Variants in ABCC12 observed in about 807,000 individuals in gnomAD.
The protein encoded by ABCC12 is ATP binding cassette subfamily C member 12.
A neutral mutation model predicts 151.1 loss-of-function variants in ABCC12; 142 were observed. That is an observed-to-expected ratio of 0.94 (90% confidence interval 0.82 to 1.08). The LOEUF (loss-of-function observed/expected upper bound fraction) is 1.08, where lower values mean the gene tolerates loss of function less well. Ranked by LOEUF, ABCC12 falls within the 50% of genes least tolerant of loss-of-function variation. The pLI, the probability that ABCC12 is intolerant of heterozygous loss-of-function variation, is 0.00. For missense variants in ABCC12, 1,638 were observed against 1,691.1 expected, an observed-to-expected ratio of 0.97 and a Z score of 0.55; for synonymous variants, 645 against 646.4, an observed-to-expected ratio of 1.00 and a Z score of 0.03.
chr16:48,151,564 T>C (rs1596634032), intron 2 of ABCC12, among the ~76,000 whole-genome samples: 1 of 152,330 alleles, frequency 6.6e-6, no homozygotes, highest in East Asian at 1.9e-4. Context: ...CATGAGATGT[T>C]ATTAATGTTA....
At position 48,101,496 on chromosome 16, in the gene ABCC12, G is replaced by A. The variant is rs556025186; in HGVS notation, c.2901-487C>T. On this transcript the variant is annotated intron_variant, in intron 22 of 30. Coordinates refer to ENST00000311303, the MANE Select transcript of ABCC12 (RefSeq NM_001393797.1). ...GCTGACTTTAAAACCAAACACCCAC[G>A]GGATGCAGCTCCCCTTTATGTGGAA... is the stretch of plus-strand genomic sequence containing the variant. Among the ~76,000 whole-genome samples, 34 of 152,068 alleles carry A rather than the reference G, an allele frequency of 2.2e-4. No individual in the cohort carries two copies. The South Asian group carries it at 7.1e-3, about 32-fold the overall frequency.
chr16:48,088,997 G>A (rs1428874742), intron 25 of ABCC12, among the ~76,000 whole-genome samples: 1 of 152,190 alleles, frequency 6.6e-6, no homozygotes, highest in African/African-American at 2.4e-5. Context: ...AAGGGGGGTA[G>A]GAGAGTAAAA....
At chr16:48,092,266 G>T (rs146158331) in intron 24 of ABCC12, among the ~76,000 whole-genome samples, 59 of 152,370 alleles carry the variant, frequency 3.9e-4, no homozygotes, top group African/African-American at 1.3e-3. Flanking sequence ...ACCAGGAGGG[G>T]ATGGAGGAGT....
At position 48,117,452 on chromosome 16, in the gene ABCC12, T is replaced by C. The variant is rs16945819; in HGVS notation, c.1713-119A>G. 15,105 of 1,023,430 alleles carry C rather than the reference T, an allele frequency of 0.015. 1,483 individuals carry two copies. In the African/African-American group the frequency reaches 0.21, roughly 14 times the overall value. 63.4% of individuals were successfully genotyped at this position (1,023,430 alleles called of 1,614,324 possible). On this transcript the variant is annotated intron_variant, in intron 13 of 30. Coordinates refer to ENST00000311303, the MANE Select transcript of ABCC12 (RefSeq NM_001393797.1). ...GCAAGGCCAGGGGTGGCGGCTGCTA[T>C]GTCCAAGGCTCCCTGGCCAGTCGCT...
intron 29 of ABCC12, 38 bp downstream of exon 29, chr16:48,085,555 T>C (rs769705245): frequency 5.7e-6 from 9 of 1,587,306 alleles, no homozygotes; most frequent in Non-Finnish European, 7.8e-6. Flanking sequence ...GCGGGAAATA[T>C]CCAAAATTTG....
intron 1 of ABCC12, among the ~76,000 whole-genome samples, chr16:48,154,703 CTGTTA>C (rs1965161031): frequency 6.6e-6 from 1 of 152,326 alleles, no homozygotes; most frequent in East Asian, 1.9e-4. Flanking sequence ...CCACTTTGCT[CTGTTA>C]TATTTCATTT....
intron 13 of ABCC12, among the ~76,000 whole-genome samples, chr16:48,117,695 T>A (rs989466774): frequency 1.3e-5 from 2 of 152,008 alleles, no homozygotes; most frequent in African/African-American, 4.8e-5. Context: ...GGGGCTGCAG[T>A]TACTGGGGAT....
At chr16:48,108,567 T>C (rs755281487) in intron 18 of ABCC12, 38 bp from the exon 19 acceptor site, 3 of 1,581,166 alleles carry the variant, frequency 1.9e-6, no homozygotes, top group East Asian at 2.2e-5. Context: ...CTCTCACCAC[T>C]GGGGTGGGGG....
intron 24 of ABCC12, among the ~76,000 whole-genome samples, chr16:48,092,309 G>A (rs1260863657): frequency 6.6e-6 from 1 of 152,240 alleles, no homozygotes; most frequent in African/African-American, 2.4e-5. Context: ...CATACCAGGT[G>A]TGTCTGTGAG....
chr16:48,096,893 G>A lies in ABCC12; in HGVS notation c.3048C>T (p.Leu1016=), dbSNP rs2150594215. The change falls in exon 24 of 31, where the codon CTC becomes CTT. Residue 1016 remains leucine, a synonymous_variant. Transcript: ENST00000311303. ...ACCACCTGAGAGCACAGTTAAAGTA[G>A]AGGAGGTGACTGGAGTTTTCGTCGT... The part of the protein sequence containing the change: ...KKESCITYHL[L]YFNCALRWFA... 1 of 1,614,154 alleles carries A rather than the reference G, an allele frequency of 6.2e-7. No individual in the cohort carries two copies. Among genetic ancestry groups the A allele is most frequent in the Non-Finnish European group, 8.5e-7 (1 of 1,180,036 alleles).
At chr16:48,090,887 T>C (rs1447037930) in intron 25 of ABCC12, among the ~76,000 whole-genome samples, 1 of 152,072 alleles carries the variant, frequency 6.6e-6, no homozygotes, top group Non-Finnish European at 1.5e-5. Context: ...ATTTTTGTAT[T>C]TTTAGTGGAG....
At chr16:48,146,697 C>T (rs1480966643) in intron 2 of ABCC12, 1 of 333,056 alleles carries the variant, frequency 3.0e-6, no homozygotes. Context: ...TTCCTCTTTT[C>T]TCATGTTGGG....
Position 48,124,193 on chromosome 16 carries a change from G to A in ABCC12, c.1587+20C>T. The A allele has an allele frequency of 6.2e-7, 1 of 1,611,548 alleles. No homozygotes were observed. Among genetic ancestry groups the A allele is most frequent in the Non-Finnish European group, 8.5e-7 (1 of 1,177,598 alleles). ...GTCATGTTAATGTTCCATCTTCACAGCACTCATCACACAGCTTACCTGTCC... is the reference window on the plus strand; with the variant it reads ...GTCATGTTAATGTTCCATCTTCACAACACTCATCACACAGCTTACCTGTCC... On this transcript the variant is annotated intron_variant, in intron 12 of 30. Coordinates refer to ENST00000311303, the MANE Select transcript of ABCC12 (RefSeq NM_001393797.1).
chr16:48,132,389 C>T lies in ABCC12; in HGVS notation c.1128+1298G>A, dbSNP rs138027595. On this transcript the variant is annotated intron_variant, in intron 9 of 30. Transcript: ENST00000311303. ...GGCAGTAATGGGATTAAACACAGGG[C>T]AGTCATGGGCCCCACAAAGGATGGC... Among the ~76,000 whole-genome samples, 24 of 152,240 alleles carry T rather than the reference C, an allele frequency of 1.6e-4. No homozygotes were observed. The East Asian group carries it at 4.6e-3, about 29-fold the overall frequency.
At chr16:48,108,863 T>C (rs73540867) in intron 18 of ABCC12, among the ~76,000 whole-genome samples, 2,493 of 152,232 alleles carry the variant, frequency 0.016, 63 homozygotes, top group African/African-American at 0.057. Flanking sequence ...TGAGGTTTAT[T>C]TGGGAGCTAA....
intron 23 of ABCC12, among the ~76,000 whole-genome samples, chr16:48,097,796 G>A (rs1237309599): frequency 1.3e-5 from 2 of 152,178 alleles, no homozygotes; most frequent in African/African-American, 4.8e-5. Context: ...AGAACTCACA[G>A]GAAGACCCAG....
At chr16:48,116,016 G>A (rs1246659834) in intron 14 of ABCC12, among the ~76,000 whole-genome samples, 1 of 152,216 alleles carries the variant, frequency 6.6e-6, no homozygotes, top group Non-Finnish European at 1.5e-5. Flanking sequence ...GTGGCTGGGT[G>A]CAGATGGAAA....
intron 15 of ABCC12, among the ~76,000 whole-genome samples, chr16:48,114,664 C>T (rs1362506729): frequency 6.6e-6 from 1 of 152,196 alleles, no homozygotes; most frequent in Non-Finnish European, 1.5e-5. Context: ...CCACACATCT[C>T]TGGGGATTCC....
chr16:48,111,615 C>G lies in ABCC12; in HGVS notation c.2172G>C (p.Glu724Asp). 1 of 1,614,180 alleles carries G rather than the reference C, an allele frequency of 6.2e-7. No homozygotes were observed. The highest frequency in any genetic ancestry group is 8.5e-7 in the Non-Finnish European group (1 of 1,180,034). The change falls in exon 17 of 31, where the codon GAG becomes GAC. Residue 724 changes from glutamate to aspartate, a missense_variant. Glu to Asp is a conservative substitution (Grantham distance 45). Transcript: ENST00000311303. ...CATCTTCCTCTCTCTCAGCAGGGCT[C>G]TCCTTGAAGGCTTCCACCATTGCTG... ...YNAAMVEAFK[E>D]SPAEREEDAG... is the part of the protein sequence containing the mutation.
Sources: gnomAD v4.1 joint callset for allele counts (sites outside exome capture counted in the v4.1 genomes callset) on GRCh38, gnomAD v4.1.1 for gene constraint, MANE v1.5 for transcripts, NCBI Gene and HGNC (gene_info 2026-07-23, HGNC 2026-07-21) for gene names.